KSR2: variants seen among roughly 807,000 people sequenced by gnomAD.
KSR2 encodes kinase suppressor of ras 2.
A neutral mutation model predicts 107.8 loss-of-function variants in KSR2; 25 were observed. That is an observed-to-expected ratio of 0.23 (90% confidence interval 0.17 to 0.32). The LOEUF (loss-of-function observed/expected upper bound fraction) is 0.32. Among genes scored for constraint, KSR2 ranks in the 10% least tolerant of loss-of-function variants. The pLI, the probability that KSR2 is intolerant of heterozygous loss-of-function variation, is 1.00. For synonymous variants in KSR2, 480 were observed against 507.0 expected (o/e 0.95, Z 0.71); for missense variants, 887 against 1,268.9 (o/e 0.70, Z 4.57).
At chr12:117,619,755 T>C (rs1007544637) in intron 5 of KSR2, among the ~76,000 whole-genome samples, 5 of 151,858 alleles carry the variant, frequency 3.3e-5, no homozygotes, top group Middle Eastern at 3.4e-3. Context: ...AATCATCTCA[T>C]GTGAGCCTCA....
At chr12:117,632,810 T>C (rs1435305181) in intron 5 of KSR2, among the ~76,000 whole-genome samples, 1 of 152,190 alleles carries the variant, frequency 6.6e-6, no homozygotes, top group Non-Finnish European at 1.5e-5. Flanking sequence ...TGTTCCTGCA[T>C]TCGTTCACTT....
chr12:117,636,326 A>G (rs1252951844), intron 5 of KSR2, among the ~76,000 whole-genome samples: 2 of 140,632 alleles, frequency 1.4e-5, no homozygotes, highest in African/African-American at 5.4e-5. Context: ...AATTAAAATA[A>G]ATCTTATGTA....
intron 1 of KSR2, among the ~76,000 whole-genome samples, chr12:117,931,766 T>C (rs897927953): frequency 2.0e-5 from 3 of 152,212 alleles, no homozygotes; most frequent in Non-Finnish European, 4.4e-5. Flanking sequence ...CAGGTTATTC[T>C]AGACCAGCCA....
At chr12:117,843,104 T>C (rs939449321) in intron 3 of KSR2, among the ~76,000 whole-genome samples, 1 of 152,176 alleles carries the variant, frequency 6.6e-6, no homozygotes, top group African/African-American at 2.4e-5. Context: ...ACACAGTGTT[T>C]ATATGACTTC....
intron 4 of KSR2, among the ~76,000 whole-genome samples, chr12:117,712,515 G>A (rs1237708015): frequency 1.3e-5 from 2 of 152,170 alleles, no homozygotes; most frequent in Admixed American, 6.5e-5. Flanking sequence ...ATTCTCACCT[G>A]CTCCTTCTTG....
intron 3 of KSR2, among the ~76,000 whole-genome samples, chr12:117,822,180 G>A (rs1270173018): frequency 6.6e-6 from 1 of 152,172 alleles, no homozygotes; most frequent in African/African-American, 2.4e-5. Context: ...CCCTTGTTTA[G>A]CATATCATCA....
chr12:117,910,823 A>C (rs575129977), intron 1 of KSR2, among the ~76,000 whole-genome samples: 1 of 152,278 alleles, frequency 6.6e-6, no homozygotes, highest in East Asian at 1.9e-4. Flanking sequence ...AGTCCTAAGA[A>C]GAGGGCATAT....
intron 12 of KSR2, among the ~76,000 whole-genome samples, 161 bp from the exon 13 acceptor site, chr12:117,527,280 G>GAC (rs59836858): frequency 0.032 from 3,982 of 124,500 alleles, 166 homozygotes; most frequent in African/African-American, 0.096. Flanking sequence ...CCATAACCTC[G>GAC]ACACACACAC....
chr12:117,645,892 T>C (rs1410972148), intron 5 of KSR2, among the ~76,000 whole-genome samples: 2 of 151,038 alleles, frequency 1.3e-5, no homozygotes, highest in South Asian at 4.2e-4. Context: ...TGTGTGTGTG[T>C]GTGTGTGTGT....
At chr12:117,506,099 C>A (rs1051229352) in intron 14 of KSR2, among the ~76,000 whole-genome samples, 9 of 152,180 alleles carry the variant, frequency 5.9e-5, no homozygotes, top group African/African-American at 2.2e-4. Context: ...TGAATGGATA[C>A]ACAAATTATT....
intron 5 of KSR2, among the ~76,000 whole-genome samples, chr12:117,616,171 A>AC (rs71099062): frequency 0.36 from 53,599 of 150,468 alleles, 11,759 homozygotes; most frequent in South Asian, 0.49. Context: ...GAAAAAAAAA[A>AC]AAAACAGATT....
intron 5 of KSR2, among the ~76,000 whole-genome samples, chr12:117,654,951 C>T (rs1411032082): frequency 6.6e-6 from 1 of 152,198 alleles, no homozygotes; most frequent in Non-Finnish European, 1.5e-5. Flanking sequence ...GGCTCAGCAA[C>T]ATGGACTTCC....
At chr12:117,623,993 T>C (rs1236337167) in intron 5 of KSR2, among the ~76,000 whole-genome samples, 2 of 152,262 alleles carry the variant, frequency 1.3e-5, no homozygotes, top group African/African-American at 4.8e-5. Context: ...ATGATGAGCA[T>C]TTTTTCATGT....
intron 2 of KSR2, among the ~76,000 whole-genome samples, chr12:117,858,563 A>C (rs982514458): frequency 2.6e-5 from 4 of 152,196 alleles, no homozygotes; most frequent in African/African-American, 9.6e-5. Context: ...AGGTCTAAAA[A>C]AGACAGGAAG....
chr12:117,479,247 G>A (rs564086991), intron 16 of KSR2, among the ~76,000 whole-genome samples: 6 of 152,298 alleles, frequency 3.9e-5, no homozygotes, highest in Middle Eastern at 3.4e-3. Context: ...GGGTAACTGC[G>A]GCAATCACAA....
At chr12:117,500,303 C>G (rs1269069948) in intron 14 of KSR2, among the ~76,000 whole-genome samples, 1 of 152,182 alleles carries the variant, frequency 6.6e-6, no homozygotes, top group African/African-American at 2.4e-5. Flanking sequence ...TGCAACCCAG[C>G]TTTGTCTGAA....
chr12:117,739,376 T>TA (rs1281856868), intron 4 of KSR2, among the ~76,000 whole-genome samples: 7 of 152,082 alleles, frequency 4.6e-5, no homozygotes. Flanking sequence ...TGAATAAAAT[T>TA]AAAAAATAAA....
intron 6 of KSR2, among the ~76,000 whole-genome samples, chr12:117,581,799 A>T (rs1227272561): frequency 6.6e-6 from 1 of 152,256 alleles, no homozygotes; most frequent in Non-Finnish European, 1.5e-5. Context: ...GTGCACCTGC[A>T]GTCTTGTGTA....
chr12:117,681,730 C>T (rs970500349), intron 4 of KSR2, among the ~76,000 whole-genome samples: 11 of 152,126 alleles, frequency 7.2e-5, no homozygotes, highest in African/African-American at 1.9e-4. Flanking sequence ...GGAAGGGGTC[C>T]AGTTTCAGTT....
Sources: allele counts gnomAD v4.1 joint callset (sites outside exome capture counted in the v4.1 genomes callset), GRCh38; gene constraint gnomAD v4.1.1; transcripts MANE v1.5; gene names NCBI Gene and HGNC (gene_info 2026-07-23, HGNC 2026-07-21).